The following SYNE2 variants were observed in gnomAD, a reference collection of about 807,000 sequenced individuals.
SYNE2 encodes the protein spectrin repeat containing nuclear envelope protein 2.
A neutral mutation model predicts 856.3 loss-of-function variants in SYNE2; 431 were observed. That is an observed-to-expected ratio of 0.50 (90% CI 0.47 to 0.55). The LOEUF is 0.55. SYNE2 is among the 20% of genes least tolerant of loss of function. The pLI, the probability that SYNE2 is intolerant of heterozygous loss-of-function variation, is 0.00. For synonymous variants in SYNE2, 2,923 were observed against 2,872.3 expected, an observed-to-expected ratio of 1.02 and a Z score of -0.56; for missense variants, 8,129 against 8,023.2, an observed-to-expected ratio of 1.01 and a Z score of -0.50.
chr14:63,954,926 T>C lies in SYNE2; in HGVS notation c.787+11T>C, dbSNP rs772361135. The C allele has an allele frequency of 1.2e-6, 2 of 1,605,522 alleles. No homozygotes were observed. Among genetic ancestry groups the C allele is most frequent in the Non-Finnish European group, 8.5e-7 (1 of 1,175,110 alleles). The stretch of plus-strand genomic sequence containing the variant: ...TGCTGGAACCAGAAGGTAAAGAAGC[T>C]TCTTTGTTTTTAAAACAATCTTTAA... On this transcript the variant is annotated intron_variant, in intron 8 of 115. Transcript: ENST00000555002.
intron 53 of SYNE2, chr14:64,075,473 C>G (rs2097450815): frequency 1.0e-5 from 2 of 191,614 alleles, no homozygotes; most frequent in South Asian, 1.0e-4. Context: ...TGTCTAATTA[C>G]ATGAAAGTAG....
chr14:64,141,731 A>T (rs1318779520), intron 81 of SYNE2, among the ~76,000 whole-genome samples: 1 of 152,044 alleles, frequency 6.6e-6, no homozygotes, highest in Admixed American at 6.6e-5. Flanking sequence ...TTCTCAGTTT[A>T]TCTTTGCCAC....
At chr14:64,035,746 TAGTCATAGTGC>T (rs902150563) in intron 45 of SYNE2, among the ~76,000 whole-genome samples, 9 of 151,904 alleles carry the variant, frequency 5.9e-5, no homozygotes, top group African/African-American at 2.2e-4. Flanking sequence ...GGCTGGAGTG[TAGTCATAGTGC>T]AGTCATAGCT....
At chr14:63,904,961 C>G (rs1264201715) in intron 1 of SYNE2, among the ~76,000 whole-genome samples, 1 of 152,000 alleles carries the variant, frequency 6.6e-6, no homozygotes, top group Non-Finnish European at 1.5e-5. Flanking sequence ...AATCTTTTAT[C>G]TATGTTGAGT....
At chr14:63,833,913 C>T (rs1236916987) in intron 1 of SYNE2, among the ~76,000 whole-genome samples, 1 of 151,890 alleles carries the variant, frequency 6.6e-6, no homozygotes, top group Non-Finnish European at 1.5e-5. Flanking sequence ...CTAAAATAAT[C>T]ATGTGTCCCC....
At chr14:63,960,347 A>C (rs1176865427) in intron 8 of SYNE2, among the ~76,000 whole-genome samples, 2 of 152,190 alleles carry the variant, frequency 1.3e-5, no homozygotes, top group East Asian at 3.9e-4. Flanking sequence ...CCTAGTAAAT[A>C]TGTTCACTAA....
chr14:64,030,031 C>T lies in SYNE2; in HGVS notation c.6851C>T (p.Ala2284Val), dbSNP rs4027402. ...SFSDKPVDQI[A>V]VEEKLQKLQE... is the part of the protein sequence containing the mutation. ...TCTGATAAGCCTGTGGATCAAATAGCGGTTGAGGAAAAATTGCAGAAACTG... is the reference window on the plus strand; with the variant it reads ...TCTGATAAGCCTGTGGATCAAATAGTGGTTGAGGAAAAATTGCAGAAACTG... Residue 2284 changes from alanine to valine, a missense_variant, in exon 44 of 116, where the codon GCG (alanine) becomes GTG (valine). By Grantham distance (64) the Ala-to-Val change is moderately conservative (BLOSUM62 0). Transcript: ENST00000555002. 1,370,117 of 1,613,584 alleles carry T rather than the reference C, an allele frequency of 0.85. 591,320 individuals are homozygous for T. The highest frequency in any genetic ancestry group is 0.89 in the Non-Finnish European group (1,047,804 of 1,179,810).
intron 85 of SYNE2, among the ~76,000 whole-genome samples, chr14:64,158,173 C>A (rs980285085): frequency 6.6e-6 from 1 of 152,208 alleles, no homozygotes; most frequent in Non-Finnish European, 1.5e-5. Flanking sequence ...TAACATCTTA[C>A]ATTTATAATG....
chr14:63,969,634 C>T (rs2096449054), intron 11 of SYNE2, among the ~76,000 whole-genome samples: 1 of 151,924 alleles, frequency 6.6e-6, no homozygotes, highest in South Asian at 2.1e-4. Flanking sequence ...AGCCACTGTG[C>T]CCGGCCCTTA....
chr14:64,142,022 A>G lies in SYNE2; in HGVS notation c.15240A>G (p.Ser5080=). 2 of 1,614,194 alleles carry G rather than the reference A, an allele frequency of 1.2e-6. No homozygotes were observed. The highest frequency in any genetic ancestry group is 1.7e-6 in the Non-Finnish European group (2 of 1,180,026). The change falls in exon 82 of 116, where the codon TCA becomes TCG. Residue 5080 remains serine, a synonymous_variant. Transcript: ENST00000555002. ...TGAACAATGTGGAGCATCAAACTTCAGATGAAGACTCCGTGCATTCACCAA... is the reference window on the plus strand; with the variant it reads ...TGAACAATGTGGAGCATCAAACTTCGGATGAAGACTCCGTGCATTCACCAA... ...SWMNNVEHQT[S]DEDSVHSPSS...
At chr14:64,029,709 C>T (rs6573542) in intron 43 of SYNE2, among the ~76,000 whole-genome samples, 186 bp from the exon 44 acceptor site, 1 of 152,128 alleles carries the variant, frequency 6.6e-6, no homozygotes, top group Non-Finnish European at 1.5e-5. Context: ...CATTTTTTTG[C>T]GGGGGAGATG....
intron 1 of SYNE2, among the ~76,000 whole-genome samples, chr14:63,796,456 C>CA (rs34101321): frequency 0.63 from 95,821 of 151,478 alleles, 30,744 homozygotes; most frequent in South Asian, 0.77. Context: ...GACTCTGCCT[C>CA]AAAAAAAATT....
intron 56 of SYNE2, among the ~76,000 whole-genome samples, chr14:64,081,165 G>T (rs2097520278): frequency 6.6e-6 from 1 of 152,212 alleles, no homozygotes; most frequent in South Asian, 2.1e-4. Context: ...AGCATAAAAT[G>T]AGAACCAGAA....
chr14:64,087,371 G>A (rs747583607), intron 57 of SYNE2: 2 of 553,940 alleles, frequency 3.6e-6, no homozygotes, highest in Admixed American at 2.1e-5. Flanking sequence ...GTATGAAAGG[G>A]CTTATTATGT....
At chr14:64,142,829 TC>T (rs201556642) in intron 82 of SYNE2, among the ~76,000 whole-genome samples, 2,306 of 152,346 alleles carry the variant, frequency 0.015, 45 homozygotes, top group Middle Eastern at 0.058. Flanking sequence ...TGTGGCCTTC[TC>T]TGTGATATTT....
Position 64,051,434 on chromosome 14 carries a change from C to T in SYNE2, c.7644-123C>T, listed in dbSNP as rs1293645798. ...TTATTTTAAGGATAGATTATTTTTA[C>T]AGACAGCCTAATTTTTTCTGTGAAT... On this transcript the variant is annotated intron_variant, in intron 47 of 115. Coordinates refer to ENST00000555002, the MANE Select transcript of SYNE2 (RefSeq NM_182914.3). 6 of 924,974 alleles carry T rather than the reference C, an allele frequency of 6.5e-6. No individual in the cohort carries two copies. The African/African-American group carries it at 8.4e-5, about 13-fold the overall frequency. 57.3% of individuals were successfully genotyped at this position (924,974 alleles called of 1,614,324 possible).
intron 61 of SYNE2, among the ~76,000 whole-genome samples, chr14:64,095,375 A>C (rs1354728628): frequency 6.6e-6 from 1 of 152,210 alleles, no homozygotes; most frequent in Non-Finnish European, 1.5e-5. Context: ...TTACATTAAA[A>C]TTTACTGGCC....
intron 108 of SYNE2, among the ~76,000 whole-genome samples, chr14:64,216,631 C>T (rs1034197952): frequency 6.6e-6 from 1 of 152,198 alleles, no homozygotes; most frequent in Non-Finnish European, 1.5e-5. Flanking sequence ...TGTGGTGTAA[C>T]AGTCATTATT....
chr14:63,885,383 G>A (rs1046997730), intron 1 of SYNE2, among the ~76,000 whole-genome samples: 1 of 152,148 alleles, frequency 6.6e-6, no homozygotes, highest in African/African-American at 2.4e-5. Context: ...ATGTGCTTAG[G>A]TCTGGAAATT....
Sources: gnomAD v4.1 joint callset for allele counts (sites outside exome capture counted in the v4.1 genomes callset) on GRCh38, gnomAD v4.1.1 for gene constraint, MANE v1.5 for transcripts, NCBI Gene and HGNC (gene_info 2026-07-23, HGNC 2026-07-21) for gene names.